DISC1: variants seen among roughly 807,000 people sequenced by gnomAD.
DISC1 encodes the protein DISC1 scaffold protein.
A neutral mutation model predicts 84.5 loss-of-function variants in DISC1; 57 were observed. That is an observed-to-expected ratio of 0.67 (90% CI 0.55 to 0.84). The LOEUF is 0.84. Ranked by LOEUF, DISC1 falls within the 40% of genes least tolerant of loss-of-function variation. The probability of loss-of-function intolerance (pLI) is 0.00; values close to 1 mark genes in which losing one functional copy is unlikely to be tolerated. For missense variants in DISC1, 1,000 were observed against 1,057.8 expected, an observed-to-expected ratio of 0.95 and a Z score of 0.76; for synonymous variants, 411 against 415.2, an observed-to-expected ratio of 0.99 and a Z score of 0.12.
At chr1:231,723,338 A>T (rs2070141413) in intron 3 of DISC1, 1 of 985,690 alleles carries the variant, frequency 1.0e-6, no homozygotes, top group Non-Finnish European at 1.2e-6. Flanking sequence ...TCTGGGCAGG[A>T]AGCTCCTGCA....
intron 9 of DISC1, among the ~76,000 whole-genome samples, chr1:231,852,044 A>G (rs1022271222): frequency 2.6e-5 from 4 of 152,086 alleles, no homozygotes; most frequent in Admixed American, 1.3e-4. Context: ...CAGGAACAGC[A>G]CTGTGAGGGA....
At chr1:231,663,987 T>TGAGCTTCA (rs1459385510) in intron 1 of DISC1, among the ~76,000 whole-genome samples, 3 of 152,190 alleles carry the variant, frequency 2.0e-5, no homozygotes, top group Admixed American at 1.3e-4. Context: ...TTTAATTTTG[T>TGAGCTTCA]GAGCTTCAGT....
At chr1:231,830,286 C>T (rs1030887168) in intron 9 of DISC1, among the ~76,000 whole-genome samples, 3 of 151,818 alleles carry the variant, frequency 2.0e-5, no homozygotes, top group Non-Finnish European at 2.9e-5. Flanking sequence ...TGATATTGTG[C>T]GGTTGTTAGA....
chr1:231,797,480 G>A (rs2078848880), intron 7 of DISC1, among the ~76,000 whole-genome samples: 2 of 152,134 alleles, frequency 1.3e-5, no homozygotes, highest in Non-Finnish European at 2.9e-5. Flanking sequence ...AAGTTCTGGT[G>A]AGAGGCCCTC....
chr1:231,831,189 G>A (rs6674197), intron 9 of DISC1, among the ~76,000 whole-genome samples: 132,131 of 152,124 alleles, frequency 0.87, 57,451 homozygotes, highest in Non-Finnish European at 0.88. Flanking sequence ...CAAATCCCCG[G>A]GCTTGATGTG....
intron 2 of DISC1, among the ~76,000 whole-genome samples, chr1:231,699,416 G>C (rs1392497846): frequency 6.6e-6 from 1 of 152,030 alleles, no homozygotes; most frequent in Non-Finnish European, 1.5e-5. Flanking sequence ...CATTCTTCCA[G>C]TGGGTCAGAA....
chr1:231,679,107 A>C (rs538125879), intron 1 of DISC1, among the ~76,000 whole-genome samples: 15 of 152,362 alleles, frequency 9.8e-5, no homozygotes, highest in Non-Finnish European at 1.8e-4. Flanking sequence ...GCAATGTCAC[A>C]GCTTCCTGGC....
At chr1:232,026,773 T>TTTTTTTTTTTTTTTTTC (rs1669511963) in intron 12 of DISC1, among the ~76,000 whole-genome samples, 1 of 142,458 alleles carries the variant, frequency 7.0e-6, no homozygotes, top group Non-Finnish European at 1.5e-5. Flanking sequence ...TTTTTTTTTT[T>TTTTTTTTTTTTTTTTTC]TTTTTTTTTT....
At chr1:231,731,810 C>A (rs1417583) in intron 3 of DISC1, among the ~76,000 whole-genome samples, 3 of 152,162 alleles carry the variant, frequency 2.0e-5, no homozygotes, top group African/African-American at 7.2e-5. Flanking sequence ...TGGAATATTT[C>A]TTCCCCTGCC....
chr1:231,771,555 C>G (rs2076549864), intron 6 of DISC1: 1 of 985,296 alleles, frequency 1.0e-6, no homozygotes, highest in African/African-American at 1.7e-5. Flanking sequence ...TACCATGTAC[C>G]AGGCAGTGTT....
chr1:231,767,742 T>C (rs929337205), intron 5 of DISC1, among the ~76,000 whole-genome samples: 2 of 152,208 alleles, frequency 1.3e-5, no homozygotes, highest in Admixed American at 6.5e-5. Flanking sequence ...AGGAATCTCA[T>C]TACAAACGAG....
intron 3 of DISC1, among the ~76,000 whole-genome samples, chr1:231,745,046 A>T (rs550977627): frequency 7.1e-6 from 1 of 141,664 alleles, no homozygotes; most frequent in Non-Finnish European, 1.5e-5. Context: ...TGTAATTAAA[A>T]TTTTTTTAAA....
At chr1:231,746,723 A>C (rs2074024041) in intron 3 of DISC1, among the ~76,000 whole-genome samples, 1 of 152,200 alleles carries the variant, frequency 6.6e-6, no homozygotes. Flanking sequence ...GATGTTGAGC[A>C]TTAAAAATAC....
chr1:231,959,126 AG>A, intron 10 of DISC1: 1 of 1,207,960 alleles, frequency 8.3e-7, no homozygotes, highest in South Asian at 2.8e-5. Flanking sequence ...ATCACAGGAG[AG>A]TTTTCATGTT....
Position 231,840,696 on chromosome 1 carries a change from GT to G in DISC1, c.1981+22192del, listed in dbSNP as rs776980827. On this transcript the variant is annotated intron_variant, in intron 9 of 12. Coordinates refer to ENST00000439617, the MANE Select transcript of DISC1 (RefSeq NM_018662.3). ...GGAATTCTTGGTTTTGTTTTTATTT[GT>G]TTTTTTTTTTTTGTTGTTGTTGTTT... Among the ~76,000 whole-genome samples, 137 of 145,714 alleles carry G rather than the reference GT, an allele frequency of 9.4e-4. No individual in the cohort carries two copies. In the East Asian group the frequency reaches 9.6e-3, roughly 10 times the overall value.
At chr1:231,800,274 C>T (rs924006901) in intron 8 of DISC1, 64 bp downstream of exon 8, 21 of 1,230,908 alleles carry the variant, frequency 1.7e-5, no homozygotes, top group African/African-American at 1.3e-4. Flanking sequence ...ACCAGCACAT[C>T]GTGTTTTGTC....
At position 232,028,992 on chromosome 1, in the gene DISC1, T is replaced by C. The variant is rs377503890; in HGVS notation, c.2425+2440T>C. The stretch of plus-strand genomic sequence containing the variant: ...TCATTTCTGATGAGTAGCAGAACTT[T>C]TCAGCCACAAGCCCCATGGTCCTAT... On this transcript the variant is annotated intron_variant, in intron 12 of 12. Transcript: ENST00000439617. 3.9e-5 allele frequency among the ~76,000 whole-genome samples: 6 copies of C among 152,190 alleles called. No individual in the cohort carries two copies. The South Asian group carries it at 1.2e-3, about 32-fold the overall frequency.
At chr1:231,888,416 C>T (rs1445517327) in intron 9 of DISC1, among the ~76,000 whole-genome samples, 1 of 151,974 alleles carries the variant, frequency 6.6e-6, no homozygotes, top group Non-Finnish European at 1.5e-5. Context: ...AACCCTGTCT[C>T]ATGAGAAGAT....
chr1:232,017,501 A>G (rs555436334), intron 11 of DISC1, among the ~76,000 whole-genome samples: 2 of 85,508 alleles, frequency 2.3e-5, no homozygotes, highest in East Asian at 6.9e-4. Context: ...TTTTTTTTTT[A>G]CTGTGTAGCC....
Sources: allele counts gnomAD v4.1 joint callset (sites outside exome capture counted in the v4.1 genomes callset), GRCh38; gene constraint gnomAD v4.1.1; transcripts MANE v1.5; gene names NCBI Gene and HGNC (gene_info 2026-07-23, HGNC 2026-07-21).